The following PTPRT variants were observed in gnomAD, a reference collection of about 807,000 sequenced individuals.
PTPRT encodes receptor-type tyrosine-protein phosphatase T.
A neutral mutation model predicts 176.8 loss-of-function variants in PTPRT; 56 were observed. The ratio of observed to expected loss-of-function variants is 0.32; its 90% CI spans 0.26 to 0.40. PTPRT has a LOEUF of 0.40. PTPRT is among the 10% of genes least tolerant of loss of function. PTPRT has a pLI of 1.00. For synonymous variants in PTPRT, 783 were observed against 739.0 expected, an observed-to-expected ratio of 1.06 and a Z score of -0.96; for missense variants, 1,540 against 1,908.2, an observed-to-expected ratio of 0.81 and a Z score of 3.60.
intron 7 of PTPRT, among the ~76,000 whole-genome samples, chr20:42,590,996 G>A (rs931595113): frequency 6.7e-6 from 1 of 150,156 alleles, no homozygotes; most frequent in Non-Finnish European, 1.5e-5. Context: ...TCCAAAGAGG[G>A]ACTTTTCCAG....
At chr20:42,850,352 A>C (rs1392038553) in intron 2 of PTPRT, among the ~76,000 whole-genome samples, 1 of 152,210 alleles carries the variant, frequency 6.6e-6, no homozygotes, top group East Asian at 1.9e-4. Flanking sequence ...GATTCTTCTG[A>C]AGCCCTCCAA....
At chr20:42,156,257 G>T (rs1989346762) in intron 17 of PTPRT, among the ~76,000 whole-genome samples, 1 of 152,150 alleles carries the variant, frequency 6.6e-6, no homozygotes, top group Non-Finnish European at 1.5e-5. Flanking sequence ...TACCTCTATG[G>T]TGGCATTTTT....
intron 30 of PTPRT, among the ~76,000 whole-genome samples, chr20:42,081,561 T>C (rs1000903627): frequency 4.6e-5 from 7 of 152,210 alleles, no homozygotes; most frequent in African/African-American, 1.7e-4. Context: ...TTGGACTGAA[T>C]TGAAAACATA....
In PTPRT at chr20:42,315,848, T is replaced by G; in HGVS notation, c.2014A>C (p.Asn672His). ...GTAAATGGCTGGGTGACAGGCAGGT[T>G]GGCAGGCTTCAACTCAGCAGCAAAG... ...HYFAAELKPANLPVTQPFTVG... is the reference protein window; with the variant it reads ...HYFAAELKPAHLPVTQPFTVG... The change falls in exon 12 of 31, where the codon AAC becomes CAC. Residue 672 changes from asparagine (N) to histidine (H), a missense_variant. By Grantham distance (68) the Asn-to-His change is moderately conservative (BLOSUM62 1). This residue lies in a region of PTPRT where 81 missense variants were observed against 89.9 expected (regional missense o/e 0.90). Transcript: ENST00000373187. 1 of 1,614,168 alleles carries G rather than the reference T, an allele frequency of 6.2e-7. No homozygotes were observed.
intron 1 of PTPRT, among the ~76,000 whole-genome samples, chr20:43,018,494 T>C (rs1406163944): frequency 6.6e-6 from 1 of 152,162 alleles, no homozygotes; most frequent in Non-Finnish European, 1.5e-5. Context: ...CAAGAAAAGG[T>C]TGACTGATTG....
chr20:42,445,831 A>T (rs571484253), intron 9 of PTPRT, among the ~76,000 whole-genome samples: 8 of 152,312 alleles, frequency 5.3e-5, no homozygotes, highest in Admixed American at 5.2e-4. Flanking sequence ...AGAAGTGAGA[A>T]GGACAACCTG....
intron 1 of PTPRT, among the ~76,000 whole-genome samples, chr20:42,970,217 G>A (rs1003823222): frequency 6.6e-6 from 1 of 152,094 alleles, no homozygotes; most frequent in East Asian, 1.9e-4. Flanking sequence ...CAGGGTATCC[G>A]GATCATAATT....
At chr20:42,233,029 C>T (rs911344686) in intron 15 of PTPRT, among the ~76,000 whole-genome samples, 9 of 152,008 alleles carry the variant, frequency 5.9e-5, no homozygotes, top group Admixed American at 3.9e-4. Context: ...TTGGGCCTTA[C>T]GCTTTTCTCC....
rs116644238 is a variant in PTPRT at position 42,464,596 on chromosome 20, A to G, written c.1450+7670T>C. On this transcript the variant is annotated intron_variant, in intron 8 of 30. Transcript: ENST00000373187. ...AGTTCATAGTGTGCACTTGAAAAAC[A>G]TAATTGCATTTCTCTTTGCCCTTTA... Among the ~76,000 whole-genome samples the G allele has an allele frequency of 5.8e-3, 881 of 152,320 alleles. 11 individuals carry two copies. The highest frequency in any genetic ancestry group is 0.019 in the African/African-American group (797 of 41,578).
intron 6 of PTPRT, among the ~76,000 whole-genome samples, chr20:42,690,748 G>A (rs1195720619): frequency 6.6e-6 from 1 of 152,134 alleles, no homozygotes. Context: ...AGATCACTGG[G>A]TCAGACAGAG....
chr20:43,037,602 T>C (rs754213089), intron 1 of PTPRT, among the ~76,000 whole-genome samples: 18 of 152,216 alleles, frequency 1.2e-4, no homozygotes, highest in Non-Finnish European at 2.5e-4. Flanking sequence ...TGAATACAAG[T>C]CTACAGTCTT....
intron 7 of PTPRT, among the ~76,000 whole-genome samples, chr20:42,648,570 G>C (rs1287896647): frequency 1.3e-5 from 2 of 152,118 alleles, no homozygotes; most frequent in African/African-American, 4.8e-5. Context: ...CACAGCCCAA[G>C]AAGGCCGCTA....
chr20:42,965,787 C>G (rs1324123501), intron 1 of PTPRT, among the ~76,000 whole-genome samples: 1 of 152,100 alleles, frequency 6.6e-6, no homozygotes, highest in Non-Finnish European at 1.5e-5. Flanking sequence ...TTTAAGAAAT[C>G]CCAAACGATA....
At chr20:42,334,108 C>G (rs986704124) in intron 11 of PTPRT, among the ~76,000 whole-genome samples, 5 of 152,104 alleles carry the variant, frequency 3.3e-5, no homozygotes, top group African/African-American at 9.7e-5. Context: ...GATCAAGAAC[C>G]TGTGAATCAT....
chr20:42,034,260 C>T, the PTPRT span, among the ~76,000 whole-genome samples: 9 of 152,140 alleles, frequency 5.9e-5, no homozygotes, highest in Non-Finnish European at 1.2e-4. Context: ...TCTTTGAAGG[C>T]TGTTGGACTG....
At chr20:42,421,544 C>T (rs1225041951) in intron 9 of PTPRT, among the ~76,000 whole-genome samples, 4 of 151,570 alleles carry the variant, frequency 2.6e-5, no homozygotes, top group African/African-American at 4.8e-5. Context: ...GATGGGCTGA[C>T]AGGGTGTGTG....
At chr20:42,748,712 C>T (rs977217591) in intron 6 of PTPRT, among the ~76,000 whole-genome samples, 1 of 152,076 alleles carries the variant, frequency 6.6e-6, no homozygotes, top group Non-Finnish European at 1.5e-5. Context: ...CCCTGGGGAG[C>T]GGGGGGTTAC....
At chr20:42,650,888 G>A (rs2075017497) in intron 7 of PTPRT, among the ~76,000 whole-genome samples, 1 of 152,078 alleles carries the variant, frequency 6.6e-6, no homozygotes, top group Non-Finnish European at 1.5e-5. Flanking sequence ...TGTTCACAGT[G>A]AGAAAAGAAC....
chr20:42,403,731 C>T (rs1458049306), intron 9 of PTPRT, among the ~76,000 whole-genome samples: 1 of 152,102 alleles, frequency 6.6e-6, no homozygotes, highest in Non-Finnish European at 1.5e-5. Flanking sequence ...TGGGTCTCTG[C>T]TTTCTCACCT....
Sources: gnomAD v4.1 joint callset for allele counts (sites outside exome capture counted in the v4.1 genomes callset) on GRCh38, gnomAD v4.1.1 for gene constraint, gnomAD v4.1.1 regional missense constraint, MANE v1.5 for transcripts, NCBI Gene and HGNC (gene_info 2026-07-23, HGNC 2026-07-21) for gene names.